The following NXPE2 variants were observed in gnomAD, a reference collection of about 807,000 sequenced individuals.
The protein encoded by NXPE2 is neurexophilin and PC-esterase domain family member 2.
A neutral mutation model predicts 34.4 loss-of-function variants in NXPE2; 34 were observed. That is an observed-to-expected ratio of 0.99 (90% CI 0.75 to 1.31). The LOEUF is 1.31. Among genes scored for constraint, NXPE2 ranks in the 40% most tolerant of loss-of-function variants. NXPE2 has a pLI of 0.00. For synonymous variants in NXPE2, 235 were observed against 231.3 expected (o/e 1.02, Z -0.15); for missense variants, 649 against 672.5 (o/e 0.97, Z 0.39).
chr11:114,812,085 T>C, the NXPE2 span, among the ~76,000 whole-genome samples: 1 of 152,204 alleles, frequency 6.6e-6, no homozygotes, highest in African/African-American at 2.4e-5. Context: ...CAGATTAGCG[T>C]TGAGAGCAAA....
intron 2 of NXPE2, among the ~76,000 whole-genome samples, chr11:114,691,523 T>A (rs747631822): frequency 5.3e-5 from 8 of 152,112 alleles, no homozygotes; most frequent in Admixed American, 1.3e-4. Flanking sequence ...GAAGTGTGAA[T>A]CGTGCCCTCT....
the NXPE2 span, among the ~76,000 whole-genome samples, chr11:114,738,041 C>G: frequency 6.6e-6 from 1 of 152,126 alleles, no homozygotes; most frequent in Admixed American, 6.5e-5. Context: ...GAGCCGAGAT[C>G]GTGCCACTGC....
At chr11:114,659,554 A>G in the NXPE2 span, among the ~76,000 whole-genome samples, 1 of 152,182 alleles carries the variant, frequency 6.6e-6, no homozygotes, top group Non-Finnish European at 1.5e-5. Flanking sequence ...TTTTGAAATG[A>G]AACAACATAC....
rs770637911 is a variant in NXPE2 at position 114,679,653 on chromosome 11, A to G, written c.27-4A>G. Reference sequence around the variant, plus strand: ...GTGATTATTTCTCCTGTCCTTTCTTATAGGATACTCACTTTGTTTCCAAAT... The same window carrying G: ...GTGATTATTTCTCCTGTCCTTTCTTGTAGGATACTCACTTTGTTTCCAAAT... On this transcript the variant is annotated splice_region_variant and splice_polypyrimidine_tract_variant and intron_variant, in intron 1 of 5. Transcript: ENST00000389586. The G allele has an allele frequency of 1.6e-5, 24 of 1,522,734 alleles. No individual in the cohort carries two copies. The highest frequency in any genetic ancestry group is 1.9e-5 in the Non-Finnish European group (21 of 1,121,682). 94.3% of individuals were successfully genotyped at this position (1,522,734 alleles called of 1,614,324 possible).
At chr11:114,775,610 C>A in the NXPE2 span, among the ~76,000 whole-genome samples, 55 of 152,184 alleles carry the variant, frequency 3.6e-4, no homozygotes, top group African/African-American at 1.3e-3. Context: ...AGGTGTCCCC[C>A]ACGTGGGAAT....
the NXPE2 span, among the ~76,000 whole-genome samples, chr11:114,608,682 C>T: frequency 4.5e-3 from 685 of 152,016 alleles, 6 homozygotes; most frequent in Non-Finnish European, 6.8e-3. Context: ...TAAGCATTGC[C>T]TCCCAGGTAA....
At chr11:114,721,183 C>T in the NXPE2 span, among the ~76,000 whole-genome samples, 11 of 151,526 alleles carry the variant, frequency 7.3e-5, no homozygotes, top group African/African-American at 1.2e-4. Flanking sequence ...GTCTGATTGA[C>T]GGTGATTAGT....
chr11:114,582,031 C>T, the NXPE2 span, among the ~76,000 whole-genome samples: 1 of 152,212 alleles, frequency 6.6e-6, no homozygotes, highest in Non-Finnish European at 1.5e-5. Flanking sequence ...CACACATACA[C>T]ACATGTGCAT....
At chr11:114,574,207 A>G in the NXPE2 span, among the ~76,000 whole-genome samples, 1 of 152,160 alleles carries the variant, frequency 6.6e-6, no homozygotes, top group African/African-American at 2.4e-5. Context: ...GGATACAGCA[A>G]AAGTGATGTT....
chr11:114,743,876 T>G, the NXPE2 span, among the ~76,000 whole-genome samples: 1 of 151,274 alleles, frequency 6.6e-6, no homozygotes. Flanking sequence ...TATATATATG[T>G]GTACATGTGT....
chr11:114,775,890 A>AAG, the NXPE2 span, among the ~76,000 whole-genome samples: 1 of 148,056 alleles, frequency 6.8e-6, no homozygotes, highest in Non-Finnish European at 1.5e-5. Context: ...GAAAAAAAAA[A>AAG]ACAAAAAAAC....
chr11:114,712,510 A>C, the NXPE2 span, among the ~76,000 whole-genome samples: 1 of 152,232 alleles, frequency 6.6e-6, no homozygotes, highest in Non-Finnish European at 1.5e-5. Context: ...TAAACACATA[A>C]AAAGATGTTC....
At chr11:114,489,422 C>G in the NXPE2 span, among the ~76,000 whole-genome samples, 18 of 152,258 alleles carry the variant, frequency 1.2e-4, no homozygotes, top group African/African-American at 4.3e-4. Flanking sequence ...AATTTTAGAC[C>G]AATATCCTTG....
the NXPE2 span, among the ~76,000 whole-genome samples, chr11:114,494,463 C>T: frequency 1.3e-5 from 2 of 151,984 alleles, no homozygotes; most frequent in African/African-American, 4.8e-5. Context: ...TCTTTCTTCT[C>T]CTTGATCATT....
chr11:114,581,248 C>G, the NXPE2 span, among the ~76,000 whole-genome samples: 339 of 152,130 alleles, frequency 2.2e-3, 1 homozygote, highest in African/African-American at 7.7e-3. Flanking sequence ...TATAAGTGTG[C>G]AAGTTCTATT....
chr11:114,565,587 G>T, the NXPE2 span, among the ~76,000 whole-genome samples: 1 of 151,698 alleles, frequency 6.6e-6, no homozygotes, highest in African/African-American at 2.4e-5. Flanking sequence ...CTCATGAAAA[G>T]GAAACAGTGA....
At chr11:114,666,038 C>T in the NXPE2 span, among the ~76,000 whole-genome samples, 1 of 152,108 alleles carries the variant, frequency 6.6e-6, no homozygotes, top group Admixed American at 6.6e-5. Flanking sequence ...TATCCTGCAT[C>T]TTATGAGAAT....
chr11:114,486,958 A>T, the NXPE2 span, among the ~76,000 whole-genome samples: 3 of 152,096 alleles, frequency 2.0e-5, no homozygotes, highest in African/African-American at 7.2e-5. Flanking sequence ...CTTTTTGCTC[A>T]TGATAGCTTT....
the NXPE2 span, among the ~76,000 whole-genome samples, chr11:114,658,662 G>A: frequency 0.99 from 150,203 of 152,284 alleles, 74,109 homozygotes; most frequent in Middle Eastern, 1. Context: ...AAAATAATAA[G>A]CTGTGAACTT....
Sources: gnomAD v4.1 joint callset for allele counts (sites outside exome capture counted in the v4.1 genomes callset) on GRCh38, gnomAD v4.1.1 for gene constraint, MANE v1.5 for transcripts, NCBI Gene and HGNC (gene_info 2026-07-23, HGNC 2026-07-21) for gene names.